RNASEL: variants seen among roughly 807,000 people sequenced by gnomAD.
RNASEL encodes ribonuclease L, also known as 2-5A-dependent ribonuclease.
A neutral mutation model predicts 50.9 loss-of-function variants in RNASEL; 36 were observed. The ratio of observed to expected loss-of-function variants is 0.71; its 90% CI spans 0.54 to 0.93. The LOEUF (loss-of-function observed/expected upper bound fraction) is 0.93, where lower values mean the gene tolerates loss of function less well. RNASEL is among the 40% of genes least tolerant of loss of function. The probability of loss-of-function intolerance (pLI) is 0.00; values close to 1 mark genes in which losing one functional copy is unlikely to be tolerated. For missense variants in RNASEL, 860 were observed against 894.5 expected (o/e 0.96, Z 0.49); for synonymous variants, 335 against 335.6 (o/e 1.00, Z 0.02).
chr1:182,586,927 C>G lies in RNASEL; in HGVS notation c.-121G>C. 2 of 1,304,184 alleles carry G rather than the reference C, an allele frequency of 1.5e-6. No individual in the cohort carries two copies. The highest frequency in any genetic ancestry group is 1.7e-5 in the Admixed American group (1 of 58,648). The allele number at this position is 1,304,184 out of a possible 1,614,324, so 80.8% of individuals were successfully genotyped here. On this transcript the variant is annotated 5_prime_UTR_variant, in exon 2 of 7. Transcript: ENST00000367559. ...TTGGGATTCTCTGGCAACAGAGCAG[C>G]AGTATGAAGAAGGAACAATGTTCTC...
At chr1:182,580,044 A>G (rs750476367) in intron 5 of RNASEL, 3 of 450,892 alleles carry the variant, frequency 6.7e-6, no homozygotes, top group Non-Finnish European at 1.3e-5. Flanking sequence ...AAGTTGTGCT[A>G]AAGATTAAAT....
chr1:182,576,351 A>G lies in RNASEL; in HGVS notation c.1944T>C (p.Tyr648=). ...TCTGGTAGAAATTGCCTCTTTTTTC[A>G]TAAAACTTATTCATTTTTTTCATAA... ...ECVMKKMNKF[Y]EKRGNFYQNT... The change falls in exon 6 of 7, where the codon TAT becomes TAC. Residue 648 remains tyrosine, a synonymous_variant. Coordinates refer to ENST00000367559, the MANE Select transcript of RNASEL (RefSeq NM_021133.4). 6.3e-7 allele frequency: 1 copy of G among 1,599,024 alleles called. No individual in the cohort carries two copies. Among genetic ancestry groups the G allele is most frequent in the South Asian group, 1.1e-5 (1 of 89,842 alleles).
At position 182,575,147 on chromosome 1, in the gene RNASEL, T is replaced by C. The variant is rs1019394652; in HGVS notation, c.*245A>G. The C allele has an allele frequency of 1.9e-4, 102 of 541,946 alleles. 1 individual carries two copies. Among genetic ancestry groups the C allele is most frequent in the African/African-American group, 5.7e-5 (3 of 52,964 alleles). 33.6% of individuals were successfully genotyped at this position (541,946 alleles called of 1,614,324 possible). A position where few individuals can be genotyped will look rare whatever the true frequency, so the allele number is the denominator to read the frequency against. ...CAAGGCACTCATTCTTTTGGTGCAA[T>C]TGACAAAAGGAATCTTAGCAGAATG... On this transcript the variant is annotated 3_prime_UTR_variant, in exon 7 of 7. Coordinates refer to ENST00000367559, the MANE Select transcript of RNASEL (RefSeq NM_021133.4).
At position 182,577,043 on chromosome 1, in the gene RNASEL, AT is replaced by A. The variant is rs529818689; in HGVS notation, c.1906-655del. 513 of 141,242 alleles carry A rather than the reference AT, an allele frequency of 3.6e-3. 1 individual carries two copies. Among genetic ancestry groups the A allele is most frequent in the South Asian group, 0.016 (72 of 4,402 alleles). 8.7% of individuals were successfully genotyped at this position (141,242 alleles called of 1,614,324 possible). ...AGGCACCCGCCACTATGCCCAGCTA[AT>A]TTTTTTTTTTTTGTATTTTTAGTAG... On this transcript the variant is annotated intron_variant, in intron 5 of 6. Transcript: ENST00000367559.
Position 182,585,358 on chromosome 1 carries a change from G to A in RNASEL, c.1449C>T (p.His483=), listed in dbSNP as rs190359946. The change falls in exon 2 of 7, where the codon CAC becomes CAT. Residue 483 remains histidine (H), a synonymous_variant. Transcript: ENST00000367559. ...AGATGTTTTGTGGTTGCAGATCCTGGTGGGTGTATCCACAGGACAAGTGTA... is the reference window on the plus strand; with the variant it reads ...AGATGTTTTGTGGTTGCAGATCCTGATGGGTGTATCCACAGGACAAGTGTA... The part of the protein sequence containing the change: ...QELHLSCGYT[H]QDLQPQNILI... 5.0e-6 allele frequency: 8 copies of A among 1,613,882 alleles called. No individual in the cohort carries two copies. The highest frequency in any genetic ancestry group is 6.8e-6 in the Non-Finnish European group (8 of 1,179,936).
At position 182,574,062 on chromosome 1, in the gene RNASEL, A is replaced by G. The variant is rs1406287656; in HGVS notation, c.*1330T>C. The G allele has an allele frequency of 9.7e-6, 2 of 205,690 alleles. No individual in the cohort carries two copies. The allele number at this position is 205,690 out of a possible 1,614,324, so 12.7% of individuals were successfully genotyped here. ...ATAGGGATAACAATGTTGACCTTAA[A>G]GGATTGTTTTGAAAATTAAATAAAA... is the stretch of plus-strand genomic sequence containing the variant. On this transcript the variant is annotated 3_prime_UTR_variant, in exon 7 of 7. Transcript: ENST00000367559.
intron 4 of RNASEL, 112 bp from the exon 5 acceptor site, chr1:182,581,469 C>CTTTAT: frequency 1.3e-5 from 4 of 319,224 alleles, no homozygotes; most frequent in Non-Finnish European, 1.6e-5. Flanking sequence ...CTTGGTTTTT[C>CTTTAT]TTTCTTTTTT....
chr1:182,587,999 G>A (rs1170469730), intron 1 of RNASEL, among the ~76,000 whole-genome samples: 1 of 152,202 alleles, frequency 6.6e-6, no homozygotes, highest in East Asian at 1.9e-4. Context: ...TATAAAATAA[G>A]CTTTGAGCTA....
At position 182,586,172 on chromosome 1, in the gene RNASEL, C is replaced by T. The variant is rs1170834004; in HGVS notation, c.635G>A (p.Ser212Asn). 6.2e-7 allele frequency: 1 copy of T among 1,614,194 alleles called. No homozygotes were observed. Among genetic ancestry groups the T allele is most frequent in the Non-Finnish European group, 8.5e-7 (1 of 1,180,042 alleles). ...AGCCTCCACATCACTATCGTCAGAG[C>T]TCAGGAGAGCATGGATCAAGGCATT... is the stretch of plus-strand genomic sequence containing the variant. ...GRNALIHALL[S>N]SDDSDVEAIT... Residue 212 changes from serine to asparagine, a missense_variant, in exon 2 of 7, where the codon AGC becomes AAC. By Grantham distance (46) the Ser-to-Asn change is conservative (BLOSUM62 1). Coordinates refer to ENST00000367559, the MANE Select transcript of RNASEL (RefSeq NM_021133.4).
chr1:182,583,404 C>T (rs1413989610), intron 3 of RNASEL, among the ~76,000 whole-genome samples: 1 of 152,210 alleles, frequency 6.6e-6, no homozygotes, highest in African/African-American at 2.4e-5. Flanking sequence ...AAGCCTTGAA[C>T]ATTCTTTTTT....
chr1:182,579,182 T>C (rs927778499), intron 5 of RNASEL: 1 of 925,134 alleles, frequency 1.1e-6, no homozygotes, highest in Non-Finnish European at 1.3e-6. Flanking sequence ...CTACACAATA[T>C]ATCCATGTAA....
Position 182,586,678 on chromosome 1 carries a change from T to C in RNASEL, c.129A>G (p.Gln43=), listed in dbSNP as rs1215799434. 1.9e-6 allele frequency: 3 copies of C among 1,614,132 alleles called. No individual in the cohort carries two copies. In the South Asian group the frequency reaches 3.3e-5, roughly 18 times the overall value. Residue 43 remains glutamine (Q), a synonymous_variant, in exon 2 of 7, where the codon CAA becomes CAG. Coordinates refer to ENST00000367559, the MANE Select transcript of RNASEL (RefSeq NM_021133.4). ...VQNEDVDLVQ[Q]LLEGGANVNF... ...TAACATTGGCTCCACCTTCCAGCAA[T>C]TGCTGGACCAGGTCAACATCTTCGT...
In RNASEL at chr1:182,585,568, C is replaced by G. The variant is rs1186074827; in HGVS notation, c.1239G>C (p.Glu413Asp). ...REVSCLQSSRENSHLVTFYGS... is the reference protein window; with the variant it reads ...REVSCLQSSRDNSHLVTFYGS... ...CATAGAATGTCACCAAGTGACTGTT[C>G]TCTCGGCTGCTTTGCAGACAAGAGA... Residue 413 changes from glutamate to aspartate, a missense_variant, in exon 2 of 7, where the codon GAG becomes GAC. By Grantham distance (45) the Glu-to-Asp change is conservative. Coordinates refer to ENST00000367559, the MANE Select transcript of RNASEL (RefSeq NM_021133.4). 6.2e-7 allele frequency: 1 copy of G among 1,614,086 alleles called. No individual in the cohort carries two copies. Among genetic ancestry groups the G allele is most frequent in the East Asian group, 2.2e-5 (1 of 44,892 alleles).
intron 2 of RNASEL, among the ~76,000 whole-genome samples, chr1:182,584,831 T>A (rs1316789755): frequency 6.6e-6 from 1 of 152,244 alleles, no homozygotes; most frequent in African/African-American, 2.4e-5. Flanking sequence ...TGCTTTTCTT[T>A]TAACATTTAA....
intron 5 of RNASEL, 76 bp downstream of exon 5, chr1:182,581,149 A>G (rs1177506377): frequency 6.2e-7 from 1 of 1,608,616 alleles, no homozygotes; most frequent in African/African-American, 1.3e-5. Context: ...GTAAAATAAG[A>G]TAGAAAAACT....
Position 182,582,127 on chromosome 1 carries a change from G to A in RNASEL, c.1698C>T (p.Leu566=). 1 of 1,614,220 alleles carries A rather than the reference G, an allele frequency of 6.2e-7. No homozygotes were observed. ...CCCTCACATGTTCCCCAGGATGGAA[G>A]AGACGATGAATGAGGTCCTTAGTTT... ...DEETKDLIHR[L]FHPGEHVRDC... The change falls in exon 4 of 7, where the codon CTC becomes CTT. Residue 566 remains leucine, a synonymous_variant. Coordinates refer to ENST00000367559, the MANE Select transcript of RNASEL (RefSeq NM_021133.4).
chr1:182,589,105 C>T (rs905473561), intron 1 of RNASEL, 62 bp downstream of exon 1: 5 of 152,318 alleles, frequency 3.3e-5, no homozygotes, highest in Non-Finnish European at 7.3e-5. Context: ...CTCCAAAGCC[C>T]AAGAATTCTT....
intron 5 of RNASEL, chr1:182,576,889 T>C (rs1276387210): frequency 6.6e-6 from 1 of 151,704 alleles, no homozygotes; most frequent in Non-Finnish European, 1.5e-5. Context: ...TAATTTTTTT[T>C]TTTTCAAGAC....
intron 2 of RNASEL, among the ~76,000 whole-genome samples, chr1:182,584,522 G>A (rs1445773298): frequency 1.3e-5 from 2 of 152,194 alleles, no homozygotes; most frequent in Non-Finnish European, 2.9e-5. Context: ...CTCAGTGCAT[G>A]TCTATGGATA....
Sources: gnomAD v4.1 joint callset for allele counts (sites outside exome capture counted in the v4.1 genomes callset) on GRCh38, gnomAD v4.1.1 for gene constraint, MANE v1.5 for transcripts, NCBI Gene and HGNC (gene_info 2026-07-23, HGNC 2026-07-21) for gene names.